Variants in LIMCH1 observed in about 807,000 individuals in gnomAD.
The protein encoded by LIMCH1 is LIM and calponin homology domains 1.
Under a neutral mutation model 176.5 loss-of-function variants are expected in LIMCH1, and 113 were observed. The ratio of observed to expected loss-of-function variants is 0.64; its 90% confidence interval spans 0.55 to 0.75. The LOEUF is 0.75. Ranked by LOEUF, LIMCH1 falls within the 30% of genes least tolerant of loss-of-function variation. The pLI, the probability that LIMCH1 is intolerant of heterozygous loss-of-function variation, is 0.00. For synonymous variants in LIMCH1, 619 were observed against 645.9 expected, an observed-to-expected ratio of 0.96 and a Z score of 0.63; for missense variants, 1,674 against 1,814.9, an observed-to-expected ratio of 0.92 and a Z score of 1.41.
At chr4:41,614,191 A>G (rs895712091) in intron 5 of LIMCH1, among the ~76,000 whole-genome samples, 2 of 152,228 alleles carry the variant, frequency 1.3e-5, no homozygotes, top group Non-Finnish European at 2.9e-5. Flanking sequence ...AGCTAGCACG[A>G]TGCAGGTGGC....
intron 13 of LIMCH1, among the ~76,000 whole-genome samples, chr4:41,635,177 G>T (rs911620666): frequency 6.6e-6 from 1 of 151,850 alleles, no homozygotes; most frequent in Admixed American, 6.6e-5. Flanking sequence ...TCCCTCTCCA[G>T]CATGATGCCT....
chr4:41,490,329 G>GCCTT (rs1320220148), intron 1 of LIMCH1, among the ~76,000 whole-genome samples: 1 of 150,878 alleles, frequency 6.6e-6, no homozygotes, highest in African/African-American at 2.4e-5. Context: ...TCTCAGAGAG[G>GCCTT]GGGATGTGGC....
intron 3 of LIMCH1, among the ~76,000 whole-genome samples, chr4:41,529,374 T>C (rs1433951917): frequency 6.6e-6 from 1 of 152,204 alleles, no homozygotes; most frequent in Non-Finnish European, 1.5e-5. Flanking sequence ...TAATTGGAAA[T>C]AGGTGATATT....
Position 41,684,429 on chromosome 4 carries a change from A to G in LIMCH1, c.3878A>G (p.Asn1293Ser), listed in dbSNP as rs372187016. Residue 1293 changes from asparagine (N) to serine (S), a missense_variant, in exon 27 of 32, where the codon AAC (asparagine) becomes AGC (serine). Coordinates refer to ENST00000503057, the MANE Select transcript of LIMCH1 (RefSeq NM_001330672.2). ...GAAGGGGCCTTGGCTCATTCTGGGA[A>G]CCCTGTATCAAAAGGAGTCCATGAA... ...LTEGALAHSGNPVSKGVHEDH... is the reference protein window; with the variant it reads ...LTEGALAHSGSPVSKGVHEDH... 1.0e-4 allele frequency: 166 copies of G among 1,613,610 alleles called. No homozygotes were observed. The highest frequency in any genetic ancestry group is 1.3e-4 in the Non-Finnish European group (153 of 1,179,806).
chr4:41,684,410 G>A lies in LIMCH1; in HGVS notation c.3859G>A (p.Ala1287Thr), dbSNP rs1273476641. The change falls in exon 27 of 32, where the codon GCC becomes ACC. Residue 1287 changes from alanine (A) to threonine (T), a missense_variant. Physicochemically the swap from Ala to Thr is moderately conservative, Grantham distance 58 (BLOSUM62 0). Transcript: ENST00000503057. ...TTATTTTAACAGCCTAACTGAAGGGGCCTTGGCTCATTCTGGGAACCCTGT... is the reference window on the plus strand; with the variant it reads ...TTATTTTAACAGCCTAACTGAAGGGACCTTGGCTCATTCTGGGAACCCTGT... ...LEEKGSLTEG[A>T]LAHSGNPVSK... The A allele has an allele frequency of 3.1e-6, 5 of 1,613,496 alleles. No homozygotes were observed. Among genetic ancestry groups the A allele is most frequent in the Non-Finnish European group, 4.2e-6 (5 of 1,179,782 alleles).
chr4:41,546,622 A>G (rs1298491588), intron 1 of LIMCH1, among the ~76,000 whole-genome samples: 2 of 151,564 alleles, frequency 1.3e-5, no homozygotes, highest in Admixed American at 6.6e-5. Context: ...TAACCACACT[A>G]TTTTCTTACC....
chr4:41,473,534 T>G (rs2067294452), intron 1 of LIMCH1, among the ~76,000 whole-genome samples: 1 of 152,166 alleles, frequency 6.6e-6, no homozygotes, highest in African/African-American at 2.4e-5. Flanking sequence ...GGCCTTTATC[T>G]CACCCTGATA....
intron 1 of LIMCH1, among the ~76,000 whole-genome samples, chr4:41,595,714 T>C: frequency 6.6e-6 from 1 of 152,198 alleles, no homozygotes. Flanking sequence ...TCACCAATCT[T>C]TAACCTATTT....
At chr4:41,631,884 C>T (rs2093345826) in intron 10 of LIMCH1, among the ~76,000 whole-genome samples, 1 of 152,190 alleles carries the variant, frequency 6.6e-6, no homozygotes, top group Non-Finnish European at 1.5e-5. Context: ...TTATTAGTAT[C>T]ATGAGTTCAC....
chr4:41,626,606 GA>G, intron 7 of LIMCH1, 101 bp from the exon 8 acceptor site: 1 of 929,866 alleles, frequency 1.1e-6, no homozygotes. Context: ...TAACAATATC[GA>G]GAAGACTTTT....
chr4:41,620,271 G>A lies in LIMCH1; in HGVS notation c.459-153G>A, dbSNP rs114339585. 2,971 of 742,250 alleles carry A rather than the reference G, an allele frequency of 4.0e-3. 76 individuals carry two copies. The African/African-American group carries it at 0.046, about 11-fold the overall frequency. The allele number at this position is 742,250 out of a possible 1,614,324, so 46.0% of individuals were successfully genotyped here. A position where few individuals can be genotyped will look rare whatever the true frequency, so the allele number is the denominator to read the frequency against. On this transcript the variant is annotated intron_variant, in intron 6 of 31. Coordinates refer to ENST00000503057, the MANE Select transcript of LIMCH1 (RefSeq NM_001330672.2). Reference sequence around the variant, plus strand: ...TGCATTGTATGAATTAAATGGCTGCGTTGAATTTTCTTCACATTATCAGGA... The same window carrying A: ...TGCATTGTATGAATTAAATGGCTGCATTGAATTTTCTTCACATTATCAGGA...
chr4:41,513,169 G>T (rs2075138897), intron 2 of LIMCH1, among the ~76,000 whole-genome samples: 1 of 152,164 alleles, frequency 6.6e-6, no homozygotes, highest in Non-Finnish European at 1.5e-5. Context: ...CATTCATTAA[G>T]ATCAGAAATA....
At chr4:41,483,887 G>A (rs919790763) in intron 1 of LIMCH1, among the ~76,000 whole-genome samples, 1 of 152,214 alleles carries the variant, frequency 6.6e-6, no homozygotes, top group Non-Finnish European at 1.5e-5. Flanking sequence ...GCACCAAAGG[G>A]TGCTTAACTG....
intron 2 of LIMCH1, among the ~76,000 whole-genome samples, chr4:41,506,114 G>A (rs2074133257): frequency 1.3e-5 from 2 of 152,266 alleles, no homozygotes; most frequent in South Asian, 4.2e-4. Flanking sequence ...TTTTGCAAAC[G>A]TATTGTCATG....
intron 2 of LIMCH1, chr4:41,494,712 T>G: frequency 2.6e-6 from 2 of 774,288 alleles, no homozygotes; most frequent in Non-Finnish European, 4.1e-6. Context: ...ATTCACAGTT[T>G]GAATCTGAAA....
intron 13 of LIMCH1, among the ~76,000 whole-genome samples, chr4:41,637,428 A>C (rs1477047235): frequency 6.6e-6 from 1 of 152,116 alleles, no homozygotes. Flanking sequence ...GAGCTCAAGC[A>C]ATCTGCCTGC....
At chr4:41,514,005 T>TAAAAAAAAAAAAAAAAAAAAAAAAAA (rs71198665) in intron 2 of LIMCH1, among the ~76,000 whole-genome samples, 1 of 48,514 alleles carries the variant, frequency 2.1e-5, no homozygotes, top group Non-Finnish European at 3.9e-5. Flanking sequence ...GACTCCGTCT[T>TAAAAAAAAAAAAAAAAAAAAAAAAAA]AAAAAAAAAA....
chr4:41,651,985 C>T lies in LIMCH1; in HGVS notation c.3036+1377C>T, dbSNP rs1159860940. On this transcript the variant is annotated intron_variant, in intron 18 of 31. Transcript: ENST00000503057. The stretch of plus-strand genomic sequence containing the variant: ...CCCTGCTTTCGGGGTACGGGCTGGA[C>T]TCTGTTCAACCTCATTTGTACTCAC... Among the ~76,000 whole-genome samples, 40 of 152,302 alleles carry T rather than the reference C, an allele frequency of 2.6e-4. 1 individual carries two copies. The highest frequency in any genetic ancestry group is 8.8e-5 in the Non-Finnish European group (6 of 68,036).
At chr4:41,595,307 A>G (rs767805145) in intron 1 of LIMCH1, among the ~76,000 whole-genome samples, 3 of 152,192 alleles carry the variant, frequency 2.0e-5, no homozygotes, top group Non-Finnish European at 4.4e-5. Context: ...CTAAAATGGA[A>G]ATTTCAGGAA....
Sources: allele counts gnomAD v4.1 joint callset (sites outside exome capture counted in the v4.1 genomes callset), GRCh38; gene constraint gnomAD v4.1.1; transcripts MANE v1.5; gene names NCBI Gene and HGNC (gene_info 2026-07-23, HGNC 2026-07-21).